SCARA5: variants seen among roughly 807,000 people sequenced by gnomAD.
SCARA5 encodes the protein scavenger receptor class A member 5, also known as scavenger receptor class A, member 5 (putative).
SCARA5 carries 45 observed loss-of-function variants against 46.3 expected under a neutral mutation model. That is an observed-to-expected ratio of 0.97 (90% confidence interval 0.76 to 1.24). The LOEUF (loss-of-function observed/expected upper bound fraction) is 1.24. Ranked by LOEUF, SCARA5 falls within the 50% of genes most tolerant of loss-of-function variation. The pLI, the probability that SCARA5 is intolerant of heterozygous loss-of-function variation, is 0.00. For missense variants in SCARA5, 680 were observed against 689.0 expected, an observed-to-expected ratio of 0.99 and a Z score of 0.15; for synonymous variants, 333 against 306.5, an observed-to-expected ratio of 1.09 and a Z score of -0.90.
chr8:27,897,790 C>A (rs1390406949), intron 7 of SCARA5, among the ~76,000 whole-genome samples: 1 of 152,268 alleles, frequency 6.6e-6, no homozygotes, highest in Non-Finnish European at 1.5e-5. Context: ...CCAAGTCCCA[C>A]ACACTCACCT....
intron 3 of SCARA5, among the ~76,000 whole-genome samples, chr8:27,937,577 A>C (rs912398408): frequency 1.3e-5 from 2 of 152,070 alleles, no homozygotes; most frequent in African/African-American, 4.8e-5. Context: ...AGAACTTCCA[A>C]GGCCCTGGCT....
chr8:27,891,810 C>A (rs1025682682), intron 7 of SCARA5, among the ~76,000 whole-genome samples: 1 of 152,240 alleles, frequency 6.6e-6, no homozygotes, highest in African/African-American at 2.4e-5. Flanking sequence ...TTAAAATACC[C>A]GTCACCTCTG....
intron 3 of SCARA5, among the ~76,000 whole-genome samples, chr8:27,948,757 C>A (rs117127829): frequency 0.015 from 2,350 of 152,326 alleles, 48 homozygotes; most frequent in East Asian, 0.052. Flanking sequence ...CAGCCCCAAA[C>A]GCCTAGTTAA....
chr8:27,984,913 A>C (rs1194991477), intron 2 of SCARA5, among the ~76,000 whole-genome samples: 2 of 151,988 alleles, frequency 1.3e-5, no homozygotes, highest in Non-Finnish European at 2.9e-5. Flanking sequence ...CCATTTATTC[A>C]TTCATCCATT....
chr8:27,888,614 G>A (rs79660855), intron 7 of SCARA5, among the ~76,000 whole-genome samples: 2 of 152,156 alleles, frequency 1.3e-5, no homozygotes, highest in Non-Finnish European at 2.9e-5. Context: ...TCTTTGCTTG[G>A]TGCCTTGCAA....
chr8:27,921,495 C>T, intron 4 of SCARA5, 76 bp downstream of exon 4: 1 of 1,309,076 alleles, frequency 7.6e-7, no homozygotes, highest in Non-Finnish European at 1.0e-6. Flanking sequence ...ACTCCTGGGT[C>T]CTTGGGGAGG....
At chr8:27,895,444 T>C (rs1807048594) in intron 7 of SCARA5, among the ~76,000 whole-genome samples, 1 of 152,248 alleles carries the variant, frequency 6.6e-6, no homozygotes, top group Non-Finnish European at 1.5e-5. Flanking sequence ...AAATGTTGTC[T>C]GGCCTGTGGG....
chr8:27,883,191 C>A (rs1317945515), intron 7 of SCARA5, among the ~76,000 whole-genome samples: 1 of 152,228 alleles, frequency 6.6e-6, no homozygotes, highest in African/African-American at 2.4e-5. Context: ...AGAGCCATTC[C>A]TGAGCATTAC....
intron 7 of SCARA5, among the ~76,000 whole-genome samples, chr8:27,881,850 A>T (rs184025101): frequency 1.3e-5 from 2 of 152,208 alleles, no homozygotes; most frequent in South Asian, 4.1e-4. Flanking sequence ...GTTACACTCA[A>T]TGAACCTACA....
chr8:27,909,900 T>C (rs924636595), intron 4 of SCARA5, among the ~76,000 whole-genome samples, 157 bp from the exon 5 acceptor site: 7 of 151,734 alleles, frequency 4.6e-5, no homozygotes, highest in African/African-American at 1.7e-4. Flanking sequence ...TCGGGGGGCA[T>C]CAGGAAAGTC....
chr8:27,992,252 C>T lies in SCARA5; in HGVS notation c.-16+5G>A, dbSNP rs1808800379. 1 of 152,318 alleles carries T rather than the reference C, an allele frequency of 6.6e-6. No homozygotes were observed. The highest frequency in any genetic ancestry group is 6.5e-5 in the Admixed American group (1 of 15,292). The allele number at this position is 152,318 out of a possible 1,614,324, so 9.4% of individuals were successfully genotyped here. The stretch of plus-strand genomic sequence containing the variant: ...AGATAGGACAAAATTAGTACCAAGA[C>T]TCACCTGAGTGCCCCTGGCTGAGGC... On this transcript the variant is annotated splice_donor_5th_base_variant and intron_variant, in intron 1 of 8. Transcript: ENST00000354914.
chr8:27,957,206 C>A (rs1262722838), intron 3 of SCARA5, among the ~76,000 whole-genome samples: 5 of 152,304 alleles, frequency 3.3e-5, no homozygotes, highest in South Asian at 4.1e-4. Flanking sequence ...TTGGGCACTG[C>A]ATGATGACTC....
At chr8:27,966,774 T>G (rs989005671) in intron 2 of SCARA5, among the ~76,000 whole-genome samples, 1 of 152,196 alleles carries the variant, frequency 6.6e-6, no homozygotes, top group African/African-American at 2.4e-5. Context: ...CCAGATCACA[T>G]GTCCACAGCT....
intron 2 of SCARA5, among the ~76,000 whole-genome samples, chr8:27,982,013 A>C (rs1184770149): frequency 6.6e-6 from 1 of 152,110 alleles, no homozygotes; most frequent in Non-Finnish European, 1.5e-5. Context: ...AAGGTAGATG[A>C]GGAGGATATT....
chr8:27,927,197 C>A (rs1807693866), intron 3 of SCARA5, among the ~76,000 whole-genome samples: 1 of 152,190 alleles, frequency 6.6e-6, no homozygotes. Flanking sequence ...CCTCTGCACC[C>A]TGGGAGGTCC....
chr8:27,955,669 C>T (rs564660381), intron 3 of SCARA5, among the ~76,000 whole-genome samples: 1 of 152,354 alleles, frequency 6.6e-6, no homozygotes, highest in East Asian at 1.9e-4. Context: ...GAAGACTGGA[C>T]AGGAATGTGA....
At chr8:27,913,851 T>C (rs1405646809) in intron 4 of SCARA5, among the ~76,000 whole-genome samples, 1 of 152,226 alleles carries the variant, frequency 6.6e-6, no homozygotes, top group Non-Finnish European at 1.5e-5. Flanking sequence ...TCGGTGCTCA[T>C]GGTCACCAAC....
chr8:27,904,558 C>T, intron 7 of SCARA5: 1 of 614,402 alleles, frequency 1.6e-6, no homozygotes, highest in Non-Finnish European at 2.9e-6. Context: ...CACACAACCG[C>T]CAGGTTTATG....
chr8:27,899,607 T>A (rs1807118305), intron 7 of SCARA5, among the ~76,000 whole-genome samples: 1 of 152,202 alleles, frequency 6.6e-6, no homozygotes, highest in Non-Finnish European at 1.5e-5. Flanking sequence ...GCCATTACAA[T>A]CCTATGGATG....
Sources: gnomAD v4.1 joint callset for allele counts (sites outside exome capture counted in the v4.1 genomes callset) on GRCh38, gnomAD v4.1.1 for gene constraint, MANE v1.5 for transcripts, NCBI Gene and HGNC (gene_info 2026-07-23, HGNC 2026-07-21) for gene names.